The following PTDSS2 variants were observed in gnomAD, a reference collection of about 807,000 sequenced individuals.
The protein encoded by PTDSS2 is PSS-2.
A neutral mutation model predicts 64.7 loss-of-function variants in PTDSS2; 41 were observed. That is an observed-to-expected ratio of 0.63 (90% CI 0.49 to 0.82). The LOEUF (loss-of-function observed/expected upper bound fraction) is 0.82. Ranked by LOEUF, PTDSS2 falls within the 40% of genes least tolerant of loss-of-function variation. The probability of loss-of-function intolerance (pLI) is 0.00; values close to 1 mark genes in which losing one functional copy is unlikely to be tolerated. For synonymous variants in PTDSS2, 297 were observed against 277.8 expected (o/e 1.07, Z -0.69); for missense variants, 485 against 650.0 (o/e 0.75, Z 2.76).
At chr11:478,851 T>C (rs1386382125) in intron 3 of PTDSS2, among the ~76,000 whole-genome samples, 2 of 152,206 alleles carry the variant, frequency 1.3e-5, no homozygotes, top group African/African-American at 4.8e-5. Flanking sequence ...CAACAATTTA[T>C]GGGCAAAAGA....
upstream of PTDSS2, among the ~76,000 whole-genome samples, chr11:449,992 G>T (rs1846241395): frequency 6.6e-6 from 1 of 152,150 alleles, no homozygotes; most frequent in African/African-American, 2.4e-5. Context: ...GTCGGGAAGC[G>T]CCCCAAAAGG....
chr11:449,810 G>A (rs1373002855), upstream of PTDSS2, among the ~76,000 whole-genome samples: 1 of 152,184 alleles, frequency 6.6e-6, no homozygotes, highest in Non-Finnish European at 1.5e-5. Flanking sequence ...AGCCGGGCGT[G>A]ATGGCGGCCG....
intron 4 of PTDSS2, among the ~76,000 whole-genome samples, chr11:485,946 G>A (rs1400834042): frequency 3.3e-5 from 4 of 119,758 alleles, no homozygotes; most frequent in South Asian, 5.6e-4. Context: ...GCAGGCGAGC[G>A]TAAACAGTGC....
chr11:484,607 C>T (rs937013313), intron 4 of PTDSS2, among the ~76,000 whole-genome samples: 5 of 150,454 alleles, frequency 3.3e-5, no homozygotes, highest in Admixed American at 2.7e-4. Context: ...CGTGTGTGCT[C>T]ACTGCGCAGG....
At chr11:485,535 C>T (rs1357927882) in intron 4 of PTDSS2, among the ~76,000 whole-genome samples, 4 of 129,820 alleles carry the variant, frequency 3.1e-5, no homozygotes, top group Admixed American at 2.5e-4. Flanking sequence ...TGTGCGCAGG[C>T]GAGTGTAAAC....
chr11:474,058 T>A, intron 3 of PTDSS2, 81 bp downstream of exon 3: 1 of 1,164,796 alleles, frequency 8.6e-7, no homozygotes, highest in Non-Finnish European at 1.3e-6. Context: ...CTGCTGGGTG[T>A]GAGTGTCCTG....
chr11:460,338 G>C lies in PTDSS2; in HGVS notation c.284+50G>C. 1 of 1,496,908 alleles carries C rather than the reference G, an allele frequency of 6.7e-7. No individual in the cohort carries two copies. The highest frequency in any genetic ancestry group is 9.3e-7 in the Non-Finnish European group (1 of 1,076,688). The allele number at this position is 1,496,908 out of a possible 1,614,324, so 92.7% of individuals were successfully genotyped here. A position where few individuals can be genotyped will look rare whatever the true frequency, so the allele number is the denominator to read the frequency against. On this transcript the variant is annotated intron_variant, in intron 2 of 11. Coordinates refer to ENST00000308020, the MANE Select transcript of PTDSS2 (RefSeq NM_030783.3). The surrounding 1 kb of genome is among the most constrained non-coding windows in gnomAD (Gnocchi z 5.8). ...TCTGAAACTGCCCTGTGCCCCGTGT[G>C]GTGGGTGTGGCACCCTTACTGCTCG...
intron 11 of PTDSS2, 88 bp from the exon 12 acceptor site, chr11:490,332 C>G: frequency 6.4e-7 from 1 of 1,574,000 alleles, no homozygotes; most frequent in Non-Finnish European, 8.7e-7. Flanking sequence ...CATTCCGGAC[C>G]TCCACAGGGA....
At chr11:473,707 G>T (rs1160341603) in intron 2 of PTDSS2, among the ~76,000 whole-genome samples, 188 bp from the exon 3 acceptor site, 1 of 152,258 alleles carries the variant, frequency 6.6e-6, no homozygotes, top group Non-Finnish European at 1.5e-5. Context: ...CGAATGTCCG[G>T]CCCAGGGTGG....
intron 1 of PTDSS2, among the ~76,000 whole-genome samples, chr11:457,826 G>T (rs1846669358): frequency 6.6e-6 from 1 of 152,216 alleles, no homozygotes; most frequent in South Asian, 2.1e-4. Flanking sequence ...CTGGATAGCA[G>T]ACGTAGCATA....
chr11:475,612 A>C (rs1847768875), intron 3 of PTDSS2, among the ~76,000 whole-genome samples: 1 of 152,224 alleles, frequency 6.6e-6, no homozygotes, highest in Non-Finnish European at 1.5e-5. Context: ...AAAGAGTGGA[A>C]TCCTGAACAC....
At chr11:489,346 A>G (rs1025013210) in intron 8 of PTDSS2, 54 bp from the exon 9 acceptor site, 2 of 1,463,802 alleles carry the variant, frequency 1.4e-6, no homozygotes, top group South Asian at 1.1e-5. Flanking sequence ...CCGATGGCAC[A>G]GGGCAGGGTT....
intron 8 of PTDSS2, among the ~76,000 whole-genome samples, chr11:489,037 C>A (rs1848540933): frequency 6.6e-6 from 1 of 152,278 alleles, no homozygotes; most frequent in Non-Finnish European, 1.5e-5. Context: ...GGTCTCCCCT[C>A]CTGCCTGTGG....
Position 488,526 on chromosome 11 carries a change from C to T in PTDSS2, c.736-3C>T. ...TGCAACGAGTGCTGGCCCCTCCCTG[C>T]AGTGGATCATGGACGTGCTCGTCTG... is the stretch of plus-strand genomic sequence containing the variant. On this transcript the variant is annotated splice_region_variant and splice_polypyrimidine_tract_variant and intron_variant, in intron 7 of 11. Transcript: ENST00000308020. The T allele has an allele frequency of 1.2e-6, 2 of 1,611,570 alleles. No homozygotes were observed. Among genetic ancestry groups the T allele is most frequent in the Non-Finnish European group, 1.7e-6 (2 of 1,178,288 alleles).
intron 2 of PTDSS2, among the ~76,000 whole-genome samples, chr11:464,576 C>T (rs1688378731): frequency 1.3e-5 from 2 of 152,216 alleles, no homozygotes; most frequent in South Asian, 4.1e-4. Context: ...CCTGTGAACG[C>T]AGTTGCTCCT....
At chr11:482,565 T>G (rs1469352632) in intron 4 of PTDSS2, among the ~76,000 whole-genome samples, 1 of 152,194 alleles carries the variant, frequency 6.6e-6, no homozygotes, top group East Asian at 1.9e-4. Flanking sequence ...CTGACCCCTT[T>G]GGCCTCCCAA....
At position 453,079 on chromosome 11, in the gene PTDSS2, C is replaced by T. The variant is rs576711331; in HGVS notation, c.182+2442C>T. On this transcript the variant is annotated intron_variant, in intron 1 of 11. Transcript: ENST00000308020. ...GTGCACTTCCTCGGGCCAGTGACGG[C>T]GGCCATGTGTGAATTTTGTTTCTCT... is the stretch of plus-strand genomic sequence containing the variant. 7.9e-5 allele frequency among the ~76,000 whole-genome samples: 12 copies of T among 152,066 alleles called. No individual in the cohort carries two copies. In the South Asian group the frequency reaches 1.7e-3, roughly 21 times the overall value.
intron 3 of PTDSS2, 90 bp from the exon 4 acceptor site, chr11:478,995 G>A: frequency 1.0e-6 from 1 of 983,378 alleles, no homozygotes; most frequent in Middle Eastern, 2.6e-4. Flanking sequence ...GAGACACTGG[G>A]TGTGAAGGAG....
intron 3 of PTDSS2, among the ~76,000 whole-genome samples, chr11:475,175 G>C (rs1217521443): frequency 1.4e-5 from 2 of 143,718 alleles, no homozygotes; most frequent in Non-Finnish European, 3.1e-5. Context: ...TTGTGATACG[G>C]ACATATTCAC....
Sources: allele counts gnomAD v4.1 joint callset (sites outside exome capture counted in the v4.1 genomes callset), GRCh38; gene constraint gnomAD v4.1.1; non-coding constraint Gnocchi (gnomAD v3.1); transcripts MANE v1.5; gene names NCBI Gene and HGNC (gene_info 2026-07-23, HGNC 2026-07-21).